The following ADGRD1 variants were observed in gnomAD, a reference collection of about 807,000 sequenced individuals.
ADGRD1 encodes G-protein coupled receptor 133.
Under a neutral mutation model 113.4 loss-of-function variants are expected in ADGRD1, and 77 were observed. That is an observed-to-expected ratio of 0.68 (90% CI 0.57 to 0.82). The LOEUF (loss-of-function observed/expected upper bound fraction) is 0.82. Among genes scored for constraint, ADGRD1 ranks in the 40% least tolerant of loss-of-function variants. ADGRD1 has a pLI of 0.00. For synonymous variants in ADGRD1, 474 were observed against 475.0 expected (o/e 1.00, Z 0.03); for missense variants, 1,036 against 1,139.1 (o/e 0.91, Z 1.30).
At chr12:131,089,397 C>A (rs1041922653) in intron 15 of ADGRD1, among the ~76,000 whole-genome samples, 9 of 152,268 alleles carry the variant, frequency 5.9e-5, no homozygotes, top group Admixed American at 1.3e-4. Context: ...ACCGGCCCCA[C>A]TGGCTGCCGG....
chr12:131,031,946 C>T (rs1880808797), intron 13 of ADGRD1, among the ~76,000 whole-genome samples: 1 of 152,224 alleles, frequency 6.6e-6, no homozygotes, highest in Non-Finnish European at 1.5e-5. Context: ...TGGTGAACTG[C>T]TGCCCCGGAA....
intron 15 of ADGRD1, among the ~76,000 whole-genome samples, chr12:131,103,892 G>A (rs910379749): frequency 6.6e-6 from 1 of 152,182 alleles, no homozygotes; most frequent in Non-Finnish European, 1.5e-5. Context: ...TCCTGCACGT[G>A]AGCAGCTGGG....
intron 13 of ADGRD1, among the ~76,000 whole-genome samples, chr12:131,044,990 C>A (rs1258960907): frequency 1.3e-5 from 2 of 152,252 alleles, no homozygotes; most frequent in Non-Finnish European, 2.9e-5. Context: ...GCGTGGTGCT[C>A]GGGAGCGCCT....
intron 14 of ADGRD1, among the ~76,000 whole-genome samples, chr12:131,078,134 T>C (rs1470285512): frequency 1.3e-5 from 2 of 152,218 alleles, no homozygotes; most frequent in Non-Finnish European, 2.9e-5. Context: ...CCTCTGCTGG[T>C]ATGGTCCCCG....
chr12:131,033,200 C>T (rs1880994559), intron 13 of ADGRD1, among the ~76,000 whole-genome samples: 2 of 147,294 alleles, frequency 1.4e-5, no homozygotes, highest in South Asian at 2.3e-4. Context: ...CGGGCAGGGC[C>T]GTTGGGTGGG....
intron 20 of ADGRD1, among the ~76,000 whole-genome samples, chr12:131,129,928 A>T (rs1419049861): frequency 6.6e-6 from 1 of 152,232 alleles, no homozygotes; most frequent in Non-Finnish European, 1.5e-5. Flanking sequence ...CCCCGAGGGC[A>T]TGGGCCGCAC....
intron 9 of ADGRD1, chr12:131,002,818 TC>T (rs779007550): frequency 4.9e-6 from 6 of 1,235,958 alleles, no homozygotes; most frequent in Non-Finnish European, 6.2e-6. Flanking sequence ...GATCAGCCCC[TC>T]CTCGTGAAGC....
At chr12:131,115,536 C>T (rs1434208751) in intron 18 of ADGRD1, among the ~76,000 whole-genome samples, 2 of 145,090 alleles carry the variant, frequency 1.4e-5, no homozygotes, top group African/African-American at 4.9e-5. Context: ...CTTCGCTTCA[C>T]CCACCTCGGT....
In ADGRD1 at chr12:131,138,140, A is replaced by G. The variant is rs768990319; in HGVS notation, c.2440A>G (p.Arg814Gly). The change falls in exon 24 of 25, where the codon AGA becomes GGA. Residue 814 changes from arginine to glycine, a missense_variant. Coordinates refer to ENST00000261654, the MANE Select transcript of ADGRD1 (RefSeq NM_198827.5). ...CGATCCCTTCCCCGCTTTCAAGGTG[A>G]GAGCCGCCTTCAAGCACAAAACCAA... The part of the protein sequence containing the change: ...LFHCLLNSEV[R>G]AAFKHKTKVW... 1.2e-6 allele frequency: 2 copies of G among 1,613,336 alleles called. No individual in the cohort carries two copies. The highest frequency in any genetic ancestry group is 2.2e-5 in the South Asian group (2 of 91,068).
intron 7 of ADGRD1, among the ~76,000 whole-genome samples, chr12:130,991,610 T>A (rs567009004): frequency 9.9e-5 from 15 of 152,148 alleles, no homozygotes; most frequent in Non-Finnish European, 2.1e-4. Flanking sequence ...GGGGACTTAT[T>A]TTGTAAGGTT....
intron 20 of ADGRD1, among the ~76,000 whole-genome samples, chr12:131,123,691 G>A (rs969971992): frequency 6.6e-6 from 1 of 151,932 alleles, no homozygotes; most frequent in Non-Finnish European, 1.5e-5. Flanking sequence ...GCGTGGTGGC[G>A]GGTGCCTGTA....
intron 18 of ADGRD1, among the ~76,000 whole-genome samples, chr12:131,116,486 G>A (rs573421343): frequency 6.6e-6 from 1 of 152,298 alleles, no homozygotes; most frequent in South Asian, 2.1e-4. Flanking sequence ...GTTTGGAAGG[G>A]CAGGCACGGC....
chr12:131,101,426 G>A (rs1433994531), intron 15 of ADGRD1, among the ~76,000 whole-genome samples: 10 of 112,958 alleles, frequency 8.9e-5, no homozygotes, highest in South Asian at 2.9e-4. Flanking sequence ...TGGCTCTGTC[G>A]CCCAGGCTGG....
chr12:131,039,926 T>C (rs1264960165), intron 13 of ADGRD1, among the ~76,000 whole-genome samples: 1 of 152,264 alleles, frequency 6.6e-6, no homozygotes, highest in Non-Finnish European at 1.5e-5. Flanking sequence ...CTGGTGGCCC[T>C]GCCGGCGGTC....
intron 13 of ADGRD1, among the ~76,000 whole-genome samples, chr12:131,017,881 A>C (rs1473556830): frequency 6.7e-6 from 1 of 150,126 alleles, no homozygotes; most frequent in Non-Finnish European, 1.5e-5. Flanking sequence ...TAGTATACAC[A>C]CAGCCAGCAC....
intron 2 of ADGRD1, chr12:130,957,009 A>C (rs1238957929): frequency 6.6e-6 from 1 of 152,450 alleles, no homozygotes. Context: ...ATACACATGC[A>C]AAAGCATCCA....
At chr12:130,982,360 A>C (rs1211772455) in intron 5 of ADGRD1, among the ~76,000 whole-genome samples, 1 of 152,238 alleles carries the variant, frequency 6.6e-6, no homozygotes, top group East Asian at 1.9e-4. Context: ...TGATGTGCAG[A>C]TGATATTGAC....
intron 15 of ADGRD1, among the ~76,000 whole-genome samples, chr12:131,103,611 G>T (rs969558076): frequency 3.9e-5 from 6 of 152,248 alleles, no homozygotes; most frequent in African/African-American, 1.4e-4. Flanking sequence ...CTGGGCCTGC[G>T]GCATCTCCTC....
intron 20 of ADGRD1, among the ~76,000 whole-genome samples, chr12:131,122,960 C>T (rs968031521): frequency 2.0e-5 from 3 of 151,720 alleles, no homozygotes; most frequent in African/African-American, 7.3e-5. Flanking sequence ...CCCTACCCCA[C>T]TCCTTGTTGT....
Sources: allele counts gnomAD v4.1 joint callset (sites outside exome capture counted in the v4.1 genomes callset), GRCh38; gene constraint gnomAD v4.1.1; transcripts MANE v1.5; gene names NCBI Gene and HGNC (gene_info 2026-07-23, HGNC 2026-07-21).